The following PRPH2 variants were observed in gnomAD, a reference collection of about 807,000 sequenced individuals.
PRPH2 encodes peripherin 2.
Under a neutral mutation model 31.3 loss-of-function variants are expected in PRPH2, and 17 were observed. The ratio of observed to expected loss-of-function variants is 0.54; its 90% CI spans 0.37 to 0.81. The LOEUF (loss-of-function observed/expected upper bound fraction) is 0.81, where lower values mean the gene tolerates loss of function less well. PRPH2 is among the 40% of genes least tolerant of loss of function. PRPH2 has a pLI of 0.00. For missense variants in PRPH2, 430 were observed against 439.7 expected, an observed-to-expected ratio of 0.98 and a Z score of 0.20; for synonymous variants, 165 against 184.4, an observed-to-expected ratio of 0.89 and a Z score of 0.85.
At chr6:42,716,585 T>C (rs1272797334) in intron 1 of PRPH2, among the ~76,000 whole-genome samples, 2 of 148,954 alleles carry the variant, frequency 1.3e-5, no homozygotes, top group Non-Finnish European at 3.0e-5. Flanking sequence ...CCCTAGCTAA[T>C]TTTTTTTGTT....
intron 1 of PRPH2, among the ~76,000 whole-genome samples, chr6:42,718,796 G>A (rs1329041593): frequency 2.0e-5 from 3 of 151,988 alleles, no homozygotes; most frequent in African/African-American, 4.8e-5. Context: ...AGGACCACAG[G>A]TGCAAGCCAC....
rs750992655 is a variant in PRPH2, at chr6:42,698,403, GCTC to G, written c.930_932del (p.Arg310del). The G allele has an allele frequency of 6.2e-6, 10 of 1,613,804 alleles. 1 individual carries two copies. In the South Asian group the frequency reaches 1.1e-4, roughly 18 times the overall value. The stretch of plus-strand genomic sequence containing the variant: ...GAAAGGCCTTCCAGGTCTCCGGCAC[GCTC>G]CTCTCCAGCAGCCAGCCCTGGCTCT... On this transcript the variant is annotated inframe_deletion, in exon 3 of 3. Coordinates refer to ENST00000230381, the MANE Select transcript of PRPH2 (RefSeq NM_000322.5).
Position 42,704,400 on chromosome 6 carries a change from T to C in PRPH2, c.793A>G (p.Met265Val). 6.2e-7 allele frequency: 1 copy of C among 1,610,108 alleles called. No individual in the cohort carries two copies. The highest frequency in any genetic ancestry group is 8.5e-7 in the Non-Finnish European group (1 of 1,178,330). The change falls in exon 2 of 3, where the codon ATG (methionine) becomes GTG (valine). Residue 265 changes from methionine to valine, a missense_variant. Physicochemically the swap from Met to Val is conservative, Grantham distance 21 (BLOSUM62 1). Coordinates refer to ENST00000230381, the MANE Select transcript of PRPH2 (RefSeq NM_000322.5). ...LSYYSSLMNS[M>V]GVVTLLIWLF... is the part of the protein sequence containing the mutation. ...CAAATGAGGAGCGTGACGACACCCA[T>C]GGAGTTCATGAGGCTGCTGTAGTAG... is the stretch of plus-strand genomic sequence containing the variant.
intron 1 of PRPH2, among the ~76,000 whole-genome samples, chr6:42,706,394 G>A (rs574695286): frequency 1.7e-4 from 25 of 150,448 alleles, no homozygotes; most frequent in Non-Finnish European, 2.8e-4. Flanking sequence ...GACACAGTGA[G>A]ACTCTGTCTC....
At chr6:42,703,850 C>T (rs1242593373) in intron 2 of PRPH2, among the ~76,000 whole-genome samples, 1 of 152,110 alleles carries the variant, frequency 6.6e-6, no homozygotes, top group African/African-American at 2.4e-5. Flanking sequence ...CACCTGTAAA[C>T]CCAGACTTCG....
chr6:42,704,295 C>T, intron 2 of PRPH2, 70 bp downstream of exon 2: 2 of 1,557,546 alleles, frequency 1.3e-6, no homozygotes, highest in East Asian at 2.4e-5. Context: ...AGCCTGGCTC[C>T]GCCCCCATTA....
chr6:42,710,041 G>A (rs559825123), intron 1 of PRPH2, among the ~76,000 whole-genome samples: 10 of 152,228 alleles, frequency 6.6e-5, no homozygotes, highest in South Asian at 2.1e-4. Flanking sequence ...CTGGGCTTGC[G>A]GACATTCCCC....
At chr6:42,715,324 G>T (rs993150799) in intron 1 of PRPH2, among the ~76,000 whole-genome samples, 1 of 152,062 alleles carries the variant, frequency 6.6e-6, no homozygotes, top group Non-Finnish European at 1.5e-5. Flanking sequence ...TTGGCAACAC[G>T]GTCATAGGCA....
In PRPH2 at chr6:42,722,370, A is replaced by T; in HGVS notation, c.-36T>A. 1.2e-6 allele frequency: 2 copies of T among 1,610,488 alleles called. No individual in the cohort carries two copies. The highest frequency in any genetic ancestry group is 2.2e-5 in the South Asian group (2 of 90,914). Reference sequence around the variant, plus strand: ...TGTAGTCCGGGTTGCTTCCCACAGCACAGCTCCCACCCCAAACCTTAACGA... The same window carrying T: ...TGTAGTCCGGGTTGCTTCCCACAGCTCAGCTCCCACCCCAAACCTTAACGA... On this transcript the variant is annotated 5_prime_UTR_variant, in exon 1 of 3. Coordinates refer to ENST00000230381, the MANE Select transcript of PRPH2 (RefSeq NM_000322.5). This position sits in a 1 kb window ranked among gnomAD's most constrained non-coding sequence, Gnocchi z 4.4.
chr6:42,710,445 G>A (rs1800254766), intron 1 of PRPH2, among the ~76,000 whole-genome samples: 1 of 152,168 alleles, frequency 6.6e-6, no homozygotes. Context: ...TCTCACTTCT[G>A]GAGCTATCCC....
chr6:42,710,992 C>T (rs553528008), intron 1 of PRPH2, among the ~76,000 whole-genome samples: 4 of 152,262 alleles, frequency 2.6e-5, no homozygotes, highest in Non-Finnish European at 4.4e-5. Context: ...GGATCATACA[C>T]GTGGAGCATT....
intron 1 of PRPH2, among the ~76,000 whole-genome samples, chr6:42,707,524 A>G (rs1422702555): frequency 1.3e-5 from 2 of 152,152 alleles, no homozygotes; most frequent in Non-Finnish European, 2.9e-5. Context: ...AGCCATGCTC[A>G]GGAGAACCTG....
intron 2 of PRPH2, among the ~76,000 whole-genome samples, chr6:42,703,462 T>C (rs192543467): frequency 6.6e-6 from 1 of 152,162 alleles, no homozygotes; most frequent in East Asian, 1.9e-4. Context: ...TGCCTCCCAA[T>C]AGTCCCCAAA....
rs961640548 is a variant in PRPH2 at position 42,697,234 on chromosome 6, C to T, written c.*1061G>A. The stretch of plus-strand genomic sequence containing the variant: ...GCTAGCTCAGGAAGATGGGCTATCT[C>T]AAAGAATCTCCTTTGATGCAGAAGC... On this transcript the variant is annotated 3_prime_UTR_variant, in exon 3 of 3. Coordinates refer to ENST00000230381, the MANE Select transcript of PRPH2 (RefSeq NM_000322.5). 2.6e-5 allele frequency: 4 copies of T among 152,188 alleles called. No individual in the cohort carries two copies. The highest frequency in any genetic ancestry group is 5.9e-5 in the Non-Finnish European group (4 of 68,044). 9.4% of individuals were successfully genotyped at this position (152,188 alleles called of 1,614,324 possible). A position where few individuals can be genotyped will look rare whatever the true frequency, so the allele number is the denominator to read the frequency against.
chr6:42,707,153 G>T (rs1582767639), intron 1 of PRPH2, among the ~76,000 whole-genome samples: 1 of 152,188 alleles, frequency 6.6e-6, no homozygotes. Flanking sequence ...ACCTGCCTCA[G>T]CCTCCCAAAG....
At position 42,704,467 on chromosome 6, in the gene PRPH2, C is replaced by A; in HGVS notation, c.726G>T (p.Glu242Asp). 1 of 1,613,816 alleles carries A rather than the reference C, an allele frequency of 6.2e-7. No homozygotes were observed. The highest frequency in any genetic ancestry group is 1.1e-5 in the South Asian group (1 of 90,998). Residue 242 changes from glutamate to aspartate, a missense_variant, in exon 2 of 3, where the codon GAG becomes GAT. Glu to Asp is a conservative substitution (Grantham distance 45). Coordinates refer to ENST00000230381, the MANE Select transcript of PRPH2 (RefSeq NM_000322.5). The stretch of plus-strand genomic sequence containing the variant: ...TGCAGCCACGCACCCACAGGTTGAG[C>A]TCCTCCGTCTGGTGGTCGTAACTGT... The part of the protein sequence containing the change: ...AHYSYDHQTE[E>D]LNLWVRGCRA...
rs555393800 is a variant in PRPH2 at position 42,702,242 on chromosome 6, T to TA, written c.828+2122dup. Among the ~76,000 whole-genome samples, 757 of 141,022 alleles carry TA rather than the reference T, an allele frequency of 5.4e-3. 7 individuals are homozygous for TA. The highest frequency in any genetic ancestry group is 0.016 in the African/African-American group (625 of 38,436). The allele number at this position is 141,022 out of a possible 152,430, so 92.5% of individuals were successfully genotyped here. A position where few individuals can be genotyped will look rare whatever the true frequency, so the allele number is the denominator to read the frequency against. ...GGGCAACAAGAGTGAAACTCTGTCT[T>TA]AAAAAAAAAAAAAGGCGGCTTCCTG... is the stretch of plus-strand genomic sequence containing the variant. On this transcript the variant is annotated intron_variant, in intron 2 of 2. Coordinates refer to ENST00000230381, the MANE Select transcript of PRPH2 (RefSeq NM_000322.5).
intron 1 of PRPH2, among the ~76,000 whole-genome samples, chr6:42,710,182 CG>C (rs1800249058): frequency 1.3e-5 from 2 of 151,706 alleles, no homozygotes; most frequent in South Asian, 4.2e-4. Flanking sequence ...TCCCTGAAGA[CG>C]GGGCTGTGTC....
intron 1 of PRPH2, among the ~76,000 whole-genome samples, chr6:42,713,781 G>A (rs991911327): frequency 2.0e-5 from 3 of 151,664 alleles, no homozygotes; most frequent in Non-Finnish European, 2.9e-5. Context: ...TTAGCTGGGC[G>A]TGATGGTGGG....
Sources: allele counts gnomAD v4.1 joint callset (sites outside exome capture counted in the v4.1 genomes callset), GRCh38; gene constraint gnomAD v4.1.1; non-coding constraint Gnocchi (gnomAD v3.1); transcripts MANE v1.5; gene names NCBI Gene and HGNC (gene_info 2026-07-23, HGNC 2026-07-21).